EBPL: variants seen among roughly 807,000 people sequenced by gnomAD.
The protein encoded by EBPL is emopamil-binding protein-like.
EBPL carries 20 observed loss-of-function variants against 19.0 expected under a neutral mutation model. The ratio of observed to expected loss-of-function variants is 1.05; its 90% confidence interval spans 0.74 to 1.53. The LOEUF is 1.53. EBPL is among the 40% of genes most tolerant of loss of function. The probability of loss-of-function intolerance (pLI) is 0.00; values close to 1 mark genes in which losing one functional copy is unlikely to be tolerated. For missense variants in EBPL, 219 were observed against 261.1 expected (o/e 0.84, Z 1.11); for synonymous variants, 107 against 117.0 (o/e 0.91, Z 0.55).
intron 1 of EBPL, among the ~76,000 whole-genome samples, chr13:49,686,963 T>C (rs1449094733): frequency 6.6e-6 from 1 of 152,112 alleles, no homozygotes; most frequent in African/African-American, 2.4e-5. Context: ...ACCCAGCTAA[T>C]TTTTCGTAGA....
intron 1 of EBPL, among the ~76,000 whole-genome samples, chr13:49,690,063 T>A (rs541945002): frequency 6.7e-6 from 1 of 150,096 alleles, no homozygotes; most frequent in African/African-American, 2.5e-5. Flanking sequence ...GGCAGGAGAA[T>A]AGCTTTAACC....
At chr13:49,680,870 T>C (rs988365088) in intron 1 of EBPL, among the ~76,000 whole-genome samples, 6 of 151,878 alleles carry the variant, frequency 4.0e-5, no homozygotes, top group African/African-American at 9.7e-5. Context: ...ATGTGATACA[T>C]GTTAAAGTTA....
intron 1 of EBPL, among the ~76,000 whole-genome samples, chr13:49,673,876 C>T (rs1953845255): frequency 6.6e-6 from 1 of 151,704 alleles, no homozygotes; most frequent in Non-Finnish European, 1.5e-5. Flanking sequence ...ACTAGGGATC[C>T]TTGTTAGTGC....
chr13:49,666,701 G>A (rs1219521752), intron 2 of EBPL, among the ~76,000 whole-genome samples: 2 of 88,548 alleles, frequency 2.3e-5, no homozygotes, highest in African/African-American at 1.0e-4. Flanking sequence ...GAAAGAGTGA[G>A]ACTCCGTCTC....
intron 2 of EBPL, among the ~76,000 whole-genome samples, chr13:49,667,911 C>T (rs1012551135): frequency 6.6e-6 from 1 of 152,222 alleles, no homozygotes; most frequent in African/African-American, 2.4e-5. Flanking sequence ...CCAGGCAGGG[C>T]AGCCAGGGGA....
chr13:49,691,447 G>T lies in EBPL; in HGVS notation c.-23C>A, dbSNP rs955367873. 2.1e-5 allele frequency: 28 copies of T among 1,307,960 alleles called. No homozygotes were observed. The highest frequency in any genetic ancestry group is 5.8e-5 in the South Asian group (2 of 34,584). 81.0% of individuals were successfully genotyped at this position (1,307,960 alleles called of 1,614,324 possible). A position where few individuals can be genotyped will look rare whatever the true frequency, so the allele number is the denominator to read the frequency against. On this transcript the variant is annotated 5_prime_UTR_variant, in exon 1 of 4. Transcript: ENST00000242827. Reference sequence around the variant, plus strand: ...CATGCTTCAGGCTTCCGACGCCAACGGCCCAGGACCATGCGGCAGAGGAAA... The same window carrying T: ...CATGCTTCAGGCTTCCGACGCCAACTGCCCAGGACCATGCGGCAGAGGAAA...
chr13:49,686,043 G>A (rs2137511499), intron 1 of EBPL, among the ~76,000 whole-genome samples: 1 of 152,290 alleles, frequency 6.6e-6, no homozygotes, highest in Non-Finnish European at 1.5e-5. Context: ...GGGATGCATG[G>A]AGAGCCAGCC....
chr13:49,683,458 G>A (rs1953963616), intron 1 of EBPL, among the ~76,000 whole-genome samples: 1 of 152,182 alleles, frequency 6.6e-6, no homozygotes, highest in South Asian at 2.1e-4. Context: ...GTGAACCCGG[G>A]AGGCGGAGCT....
Position 49,676,131 on chromosome 13 carries a change from G to A in EBPL, c.172-6285C>T, listed in dbSNP as rs12430046. Among the ~76,000 whole-genome samples the A allele has an allele frequency of 5.9e-3, 901 of 152,326 alleles. 11 individuals are homozygous for A. Among genetic ancestry groups the A allele is most frequent in the East Asian group, 0.03 (154 of 5,192 alleles). On this transcript the variant is annotated intron_variant, in intron 1 of 3. Coordinates refer to ENST00000242827, the MANE Select transcript of EBPL (RefSeq NM_032565.5). The stretch of plus-strand genomic sequence containing the variant: ...AAACCACTGGGCTAGACTGCCCCAT[G>A]GGCAAGATGAACCAATAATTCTCAA...
At chr13:49,689,364 T>TC (rs910859195) in intron 1 of EBPL, among the ~76,000 whole-genome samples, 4 of 152,186 alleles carry the variant, frequency 2.6e-5, no homozygotes, top group African/African-American at 9.7e-5. Context: ...TTCTTTTTTT[T>TC]CCCAAGATAG....
chr13:49,677,929 T>A (rs1411129197), intron 1 of EBPL, among the ~76,000 whole-genome samples: 1 of 152,152 alleles, frequency 6.6e-6, no homozygotes, highest in East Asian at 1.9e-4. Flanking sequence ...ACCTTCGCAG[T>A]GTTACAGCTC....
intron 1 of EBPL, among the ~76,000 whole-genome samples, chr13:49,677,086 G>A (rs1237355138): frequency 6.6e-6 from 1 of 152,142 alleles, no homozygotes; most frequent in Non-Finnish European, 1.5e-5. Flanking sequence ...CTAAATAGCA[G>A]GTCATCCTTT....
intron 1 of EBPL, among the ~76,000 whole-genome samples, chr13:49,684,616 G>C (rs1953978094): frequency 1.3e-5 from 2 of 152,254 alleles, no homozygotes; most frequent in South Asian, 4.1e-4. Context: ...CAGAGGCTGT[G>C]GCGAGCTGAG....
At chr13:49,663,469 C>T (rs1211881998) in intron 2 of EBPL, among the ~76,000 whole-genome samples, 1 of 152,164 alleles carries the variant, frequency 6.6e-6, no homozygotes, top group African/African-American at 2.4e-5. Context: ...GCCCCACCCT[C>T]TTCAACATAA....
At position 49,661,165 on chromosome 13, in the gene EBPL, A is replaced by C. The variant is rs754176340; in HGVS notation, c.424T>G (p.Cys142Gly). Residue 142 changes from cysteine to glycine, a missense_variant, in exon 4 of 4, where the codon TGC (cysteine) becomes GGC (glycine). Coordinates refer to ENST00000242827, the MANE Select transcript of EBPL (RefSeq NM_032565.5). Reference sequence around the variant, plus strand: ...CACTCTGGGAGGAAGGTCATCCAGCAGCCATACAGCTCGCACACGCACAGG... The same window carrying C: ...CACTCTGGGAGGAAGGTCATCCAGCCGCCATACAGCTCGCACACGCACAGG... ...ITLCVCELYG[C>G]WMTFLPEWLT... 1.2e-6 allele frequency: 2 copies of C among 1,614,196 alleles called. No individual in the cohort carries two copies. Among genetic ancestry groups the C allele is most frequent in the South Asian group, 2.2e-5 (2 of 91,088 alleles).
intron 1 of EBPL, among the ~76,000 whole-genome samples, chr13:49,678,419 C>T (rs1471110964): frequency 3.3e-5 from 5 of 152,314 alleles, no homozygotes; most frequent in South Asian, 2.1e-4. Flanking sequence ...GGTGCCGGCT[C>T]GGGCATGGCG....
At chr13:49,675,186 A>G (rs1422105788) in intron 1 of EBPL, among the ~76,000 whole-genome samples, 1 of 152,216 alleles carries the variant, frequency 6.6e-6, no homozygotes, top group East Asian at 1.9e-4. Flanking sequence ...CTTACCTCAC[A>G]CGTAGGCTAT....
chr13:49,681,903 G>T (rs1454383503), intron 1 of EBPL, among the ~76,000 whole-genome samples: 1 of 152,174 alleles, frequency 6.6e-6, no homozygotes, highest in Non-Finnish European at 1.5e-5. Flanking sequence ...ATGAAGTGGA[G>T]CAGGAATAGA....
At chr13:49,690,232 T>C (rs916652581) in intron 1 of EBPL, among the ~76,000 whole-genome samples, 1 of 151,018 alleles carries the variant, frequency 6.6e-6, no homozygotes, top group Admixed American at 6.6e-5. Flanking sequence ...TCACTGTCCC[T>C]TATCTCTACA....
Sources: allele counts gnomAD v4.1 joint callset (sites outside exome capture counted in the v4.1 genomes callset), GRCh38; gene constraint gnomAD v4.1.1; transcripts MANE v1.5; gene names NCBI Gene and HGNC (gene_info 2026-07-23, HGNC 2026-07-21).